Variants in PARD3 observed in about 807,000 individuals in gnomAD.
The protein encoded by PARD3 is partitioning defective 3 homolog.
Under a neutral mutation model 155.4 loss-of-function variants are expected in PARD3, and 75 were observed. The observed-to-expected ratio is 0.48, with a 90% confidence interval of 0.40 to 0.58. The LOEUF (loss-of-function observed/expected upper bound fraction) is 0.58, where lower values mean the gene tolerates loss of function less well. Among genes scored for constraint, PARD3 ranks in the 20% least tolerant of loss-of-function variants. The probability of loss-of-function intolerance (pLI) is 0.00; values close to 1 mark genes in which losing one functional copy is unlikely to be tolerated. For missense variants in PARD3, 1,642 were observed against 1,721.7 expected, an observed-to-expected ratio of 0.95 and a Z score of 0.82; for synonymous variants, 576 against 610.5, an observed-to-expected ratio of 0.94 and a Z score of 0.83.
chr10:34,659,883 T>C (rs1201403340), intron 2 of PARD3, among the ~76,000 whole-genome samples: 3 of 152,170 alleles, frequency 2.0e-5, no homozygotes, highest in African/African-American at 7.2e-5. Context: ...GGTAGGTACT[T>C]TTTGCTTCCG....
chr10:34,713,355 A>G (rs1262342336), intron 1 of PARD3, among the ~76,000 whole-genome samples: 1 of 152,212 alleles, frequency 6.6e-6, no homozygotes, highest in Admixed American at 6.5e-5. Flanking sequence ...ATGCTAGACT[A>G]ATTTCACTAT....
At chr10:34,177,797 G>T (rs762700199) in intron 22 of PARD3, among the ~76,000 whole-genome samples, 5 of 152,200 alleles carry the variant, frequency 3.3e-5, no homozygotes, top group Admixed American at 2.0e-4. Context: ...CGCCCTTCCA[G>T]TTACCAGAGA....
intron 2 of PARD3, among the ~76,000 whole-genome samples, chr10:34,676,524 T>C (rs1057409332): frequency 1.3e-5 from 2 of 152,166 alleles, no homozygotes; most frequent in Non-Finnish European, 2.9e-5. Flanking sequence ...AGTAATTCCA[T>C]TTTACCTGCC....
chr10:34,678,076 A>T (rs1039712488), intron 2 of PARD3, among the ~76,000 whole-genome samples: 19 of 151,710 alleles, frequency 1.3e-4, no homozygotes, highest in South Asian at 2.1e-4. Flanking sequence ...TTATTTATTT[A>T]ATTTATTTAT....
intron 1 of PARD3, among the ~76,000 whole-genome samples, chr10:34,724,928 A>T (rs1015220561): frequency 2.0e-5 from 3 of 152,202 alleles, no homozygotes; most frequent in Non-Finnish European, 4.4e-5. Flanking sequence ...TACAAATATG[A>T]AGGAAGCATC....
At chr10:34,371,328 CT>C (rs1840584727) in intron 12 of PARD3, among the ~76,000 whole-genome samples, 1 of 151,338 alleles carries the variant, frequency 6.6e-6, no homozygotes, top group Non-Finnish European at 1.5e-5. Context: ...ACAACACACA[CT>C]TATTAATGTG....
intron 2 of PARD3, among the ~76,000 whole-genome samples, chr10:34,609,599 G>A (rs2090732156): frequency 6.6e-6 from 1 of 152,194 alleles, no homozygotes; most frequent in Non-Finnish European, 1.5e-5. Flanking sequence ...CTGGAGTGCA[G>A]GGGCACAATC....
At chr10:34,711,011 A>T (rs2094442449) in intron 1 of PARD3, among the ~76,000 whole-genome samples, 1 of 152,124 alleles carries the variant, frequency 6.6e-6, no homozygotes, top group South Asian at 2.1e-4. Flanking sequence ...CTCCATCTCT[A>T]TAAAGCAATT....
intron 2 of PARD3, among the ~76,000 whole-genome samples, chr10:34,522,367 A>C (rs1365023909): frequency 6.6e-6 from 1 of 152,168 alleles, no homozygotes; most frequent in Non-Finnish European, 1.5e-5. Context: ...ATTTTATGGC[A>C]TTCTGACCCA....
rs908117728 is a variant in PARD3, at chr10:34,657,527, G to A, written c.222+38791C>T. On this transcript the variant is annotated intron_variant, in intron 2 of 24. Coordinates refer to ENST00000374788, the MANE Select transcript of PARD3 (RefSeq NM_001184785.2). ...TGTCACCTTTCTGCTTCTCAGTTTT[G>A]TTTTGTTTGTTTGTTTGTTTGTTTG... 2.5e-5 allele frequency among the ~76,000 whole-genome samples: 3 copies of A among 119,374 alleles called. No individual in the cohort carries two copies. In the East Asian group the frequency reaches 7.1e-4, roughly 28 times the overall value. 78.3% of individuals were successfully genotyped at this position (119,374 alleles called of 152,430 possible).
At chr10:34,509,064 T>C (rs2133529972) in intron 3 of PARD3, among the ~76,000 whole-genome samples, 1 of 152,314 alleles carries the variant, frequency 6.6e-6, no homozygotes, top group East Asian at 1.9e-4. Context: ...GTAAACACTC[T>C]ATATTACAAA....
At chr10:34,493,765 T>C (rs1225554862) in intron 3 of PARD3, among the ~76,000 whole-genome samples, 1 of 151,904 alleles carries the variant, frequency 6.6e-6, no homozygotes, top group East Asian at 1.9e-4. Flanking sequence ...AAGAAAATTA[T>C]AGTACATAAA....
intron 22 of PARD3, among the ~76,000 whole-genome samples, chr10:34,168,957 G>A (rs1949663107): frequency 6.6e-6 from 1 of 152,166 alleles, no homozygotes; most frequent in Admixed American, 6.5e-5. Context: ...AATATCTGCT[G>A]CCTTGTTGAC....
At chr10:34,601,341 G>C (rs1015604540) in intron 2 of PARD3, among the ~76,000 whole-genome samples, 10 of 151,746 alleles carry the variant, frequency 6.6e-5, no homozygotes, top group Admixed American at 1.3e-4. Flanking sequence ...TACTCAAAAG[G>C]CTAAGGCAGG....
At chr10:34,178,578 C>G (rs969739668) in intron 22 of PARD3, among the ~76,000 whole-genome samples, 1 of 152,144 alleles carries the variant, frequency 6.6e-6, no homozygotes. Flanking sequence ...GGATCCTCCT[C>G]AAAATAGCTC....
chr10:34,355,924 C>CAAAAAAAAAAAAAAAAA (rs869284165), intron 14 of PARD3, among the ~76,000 whole-genome samples: 4 of 42,736 alleles, frequency 9.4e-5, no homozygotes, highest in Non-Finnish European at 1.3e-4. Flanking sequence ...CACTCCGTCT[C>CAAAAAAAAAAAAAAAAA]AAAAAAAAAA....
intron 1 of PARD3, among the ~76,000 whole-genome samples, chr10:34,795,697 C>T (rs571850794): frequency 6.6e-6 from 1 of 152,022 alleles, no homozygotes; most frequent in African/African-American, 2.4e-5. Context: ...GAGTTCAAGA[C>T]CAGCCTGACC....
intron 1 of PARD3, among the ~76,000 whole-genome samples, chr10:34,749,192 G>A (rs1026427535): frequency 6.6e-6 from 1 of 152,134 alleles, no homozygotes; most frequent in Non-Finnish European, 1.5e-5. Context: ...TCTTATGGTA[G>A]ACCATGATGT....
intron 22 of PARD3, among the ~76,000 whole-genome samples, chr10:34,200,947 C>G (rs1242506190): frequency 6.6e-6 from 1 of 152,184 alleles, no homozygotes; most frequent in Non-Finnish European, 1.5e-5. Flanking sequence ...CCTTGGCAAC[C>G]CCCTGCCCCC....
Sources: gnomAD v4.1 joint callset for allele counts (sites outside exome capture counted in the v4.1 genomes callset) on GRCh38, gnomAD v4.1.1 for gene constraint, MANE v1.5 for transcripts, NCBI Gene and HGNC (gene_info 2026-07-23, HGNC 2026-07-21) for gene names.